The following IGFBP7 variants were observed in gnomAD, a reference collection of about 807,000 sequenced individuals.
The protein encoded by IGFBP7 is insulin-like growth factor-binding protein 7.
Under a neutral mutation model 29.4 loss-of-function variants are expected in IGFBP7, and 31 were observed. That is an observed-to-expected ratio of 1.05 (90% CI 0.79 to 1.42). The LOEUF is 1.42. IGFBP7 is among the 40% of genes most tolerant of loss of function. The pLI is 0.00. For missense variants in IGFBP7, 393 were observed against 395.5 expected, an observed-to-expected ratio of 0.99 and a Z score of 0.05; for synonymous variants, 172 against 174.9, an observed-to-expected ratio of 0.98 and a Z score of 0.13.
intron 1 of IGFBP7, among the ~76,000 whole-genome samples, chr4:57,071,186 A>G (rs908601171): frequency 6.7e-6 from 1 of 149,520 alleles, no homozygotes; most frequent in African/African-American, 2.5e-5. Context: ...CCTACTGAAA[A>G]CACTGTTTTT....
intron 1 of IGFBP7, among the ~76,000 whole-genome samples, chr4:57,056,435 C>T (rs1724675934): frequency 6.6e-6 from 1 of 152,076 alleles, no homozygotes; most frequent in Non-Finnish European, 1.5e-5. Context: ...AGCTACAAGA[C>T]AATTTTTCTG....
In IGFBP7 at chr4:57,110,265, C is replaced by G. The variant is rs1393687229; in HGVS notation, c.87G>C (p.Ser29=). 3 of 1,421,364 alleles carry G rather than the reference C, an allele frequency of 2.1e-6. No individual in the cohort carries two copies. Among genetic ancestry groups the G allele is most frequent in the Non-Finnish European group, 2.8e-6 (3 of 1,088,722 alleles). The allele number at this position is 1,421,364 out of a possible 1,614,324, so 88.0% of individuals were successfully genotyped here. A position where few individuals can be genotyped will look rare whatever the true frequency, so the allele number is the denominator to read the frequency against. The change falls in exon 1 of 5, where the codon TCG becomes TCC. Residue 29 remains serine, a synonymous_variant. Coordinates refer to ENST00000295666, the MANE Select transcript of IGFBP7 (RefSeq NM_001553.3). ...CCGGCTCGCAGGGGCCGCAGGTGTC[C>G]GAAGAGGAGGAAGAGGAGAGGGGCA... ...LLLPLSSSSS[S]DTCGPCEPAS...
intron 1 of IGFBP7, among the ~76,000 whole-genome samples, chr4:57,085,308 C>T (rs574389377): frequency 3.7e-4 from 57 of 152,138 alleles, no homozygotes; most frequent in African/African-American, 1.3e-3. Flanking sequence ...TCCTGTTATC[C>T]GTATGCTAGA....
intron 1 of IGFBP7, among the ~76,000 whole-genome samples, chr4:57,086,407 C>T (rs899094806): frequency 2.0e-5 from 3 of 152,160 alleles, no homozygotes; most frequent in African/African-American, 4.8e-5. Context: ...CCCCTTCCAC[C>T]CTTTGGGTCC....
In IGFBP7 at chr4:57,033,185, T is replaced by C. The variant is rs769400686; in HGVS notation, c.702+10A>G. On this transcript the variant is annotated intron_variant, in intron 3 of 4. Coordinates refer to ENST00000295666, the MANE Select transcript of IGFBP7 (RefSeq NM_001553.3). ...TGAAACTCTTGCCAGCTCTTGGTAC[T>C]GGTACTCACCAGCACCCAGCCAGTT... 5.1e-6 allele frequency: 8 copies of C among 1,563,362 alleles called. No homozygotes were observed. The South Asian group carries it at 6.7e-5, about 13-fold the overall frequency.
At position 57,095,972 on chromosome 4, in the gene IGFBP7, G is replaced by T. The variant is rs369811372; in HGVS notation, c.475+13905C>A. Reference sequence around the variant, plus strand: ...AACAAGAATCTATTAAGTGCCTACCGTATCCCAAGGACGGTTTAGACATTG... The same window carrying T: ...AACAAGAATCTATTAAGTGCCTACCTTATCCCAAGGACGGTTTAGACATTG... On this transcript the variant is annotated intron_variant, in intron 1 of 4. Transcript: ENST00000295666. Among the ~76,000 whole-genome samples the T allele has an allele frequency of 7.2e-5, 11 of 152,088 alleles. No homozygotes were observed. The East Asian group carries it at 1.2e-3, about 16-fold the overall frequency.
chr4:57,037,733 A>C (rs749526212), intron 2 of IGFBP7, among the ~76,000 whole-genome samples: 1 of 152,226 alleles, frequency 6.6e-6, no homozygotes, highest in Non-Finnish European at 1.5e-5. Flanking sequence ...AAGATTTGCC[A>C]ATAAGGTCAC....
intron 1 of IGFBP7, among the ~76,000 whole-genome samples, chr4:57,043,023 G>C (rs114664555): frequency 6.6e-6 from 1 of 152,344 alleles, no homozygotes; most frequent in African/African-American, 2.4e-5. Flanking sequence ...CAGATACCGA[G>C]AGAGCGGGTG....
chr4:57,095,884 T>A (rs1725749146), intron 1 of IGFBP7, among the ~76,000 whole-genome samples: 1 of 152,154 alleles, frequency 6.6e-6, no homozygotes. Flanking sequence ...TCCATCAGTG[T>A]GAAGGTTCCC....
rs1316482502 is a variant in IGFBP7, at chr4:57,031,275, A to G, written c.*42T>C. 6.5e-7 allele frequency: 1 copy of G among 1,544,264 alleles called. No individual in the cohort carries two copies. Among genetic ancestry groups the G allele is most frequent in the African/African-American group, 1.4e-5 (1 of 73,610 alleles). Reference sequence around the variant, plus strand: ...GCAAGAACAGGTAATGTAGTTATCCATGACTACTTTTAACCATGCAGACTA... The same window carrying G: ...GCAAGAACAGGTAATGTAGTTATCCGTGACTACTTTTAACCATGCAGACTA... On this transcript the variant is annotated 3_prime_UTR_variant, in exon 5 of 5. Transcript: ENST00000295666.
chr4:57,098,804 C>G (rs1394739999), intron 1 of IGFBP7, among the ~76,000 whole-genome samples: 1 of 152,192 alleles, frequency 6.6e-6, no homozygotes, highest in Non-Finnish European at 1.5e-5. Context: ...CCTTTGGAAG[C>G]CAGGGGTGCA....
chr4:57,046,351 T>A (rs140687329), intron 1 of IGFBP7, among the ~76,000 whole-genome samples: 6 of 152,236 alleles, frequency 3.9e-5, no homozygotes, highest in African/African-American at 1.4e-4. Flanking sequence ...AGGAGAGCAC[T>A]GTACTCAATG....
chr4:57,035,953 T>C (rs967969514), intron 2 of IGFBP7, among the ~76,000 whole-genome samples: 1 of 152,214 alleles, frequency 6.6e-6, no homozygotes, highest in Non-Finnish European at 1.5e-5. Context: ...TAGGTAACTG[T>C]TGGGGAATCT....
intron 1 of IGFBP7, chr4:57,065,405 T>C (rs932501098): frequency 2.0e-5 from 3 of 152,310 alleles, no homozygotes; most frequent in African/African-American, 7.2e-5. Flanking sequence ...CAAACAAAAG[T>C]TGAGTTTTGG....
intron 1 of IGFBP7, among the ~76,000 whole-genome samples, chr4:57,076,286 G>C (rs1036223368): frequency 1.3e-5 from 2 of 152,156 alleles, no homozygotes; most frequent in African/African-American, 4.8e-5. Flanking sequence ...TTTTCTGGGG[G>C]ACACCAATAT....
chr4:57,094,331 T>C (rs1245297389), intron 1 of IGFBP7, among the ~76,000 whole-genome samples: 1 of 151,982 alleles, frequency 6.6e-6, no homozygotes, highest in Non-Finnish European at 1.5e-5. Context: ...ACTTGCCAAG[T>C]GGAAACTGGG....
chr4:57,061,709 C>T (rs1293344291), intron 1 of IGFBP7, among the ~76,000 whole-genome samples: 1 of 152,176 alleles, frequency 6.6e-6, no homozygotes, highest in Non-Finnish European at 1.5e-5. Flanking sequence ...GTAATATTTT[C>T]GGACCAAAAC....
chr4:57,097,006 C>T (rs4611988), intron 1 of IGFBP7, among the ~76,000 whole-genome samples: 17,636 of 152,140 alleles, frequency 0.12, 1,164 homozygotes, highest in Middle Eastern at 0.19. Context: ...ATTAATTGTG[C>T]TCTTTTTCTG....
intron 1 of IGFBP7, among the ~76,000 whole-genome samples, chr4:57,048,809 A>G (rs1319812033): frequency 6.6e-6 from 1 of 152,214 alleles, no homozygotes; most frequent in Non-Finnish European, 1.5e-5. Flanking sequence ...AAGAGACAAA[A>G]GCATTCTTGG....
Sources: allele counts gnomAD v4.1 joint callset (sites outside exome capture counted in the v4.1 genomes callset), GRCh38; gene constraint gnomAD v4.1.1; transcripts MANE v1.5; gene names NCBI Gene and HGNC (gene_info 2026-07-23, HGNC 2026-07-21).